Variants in ZFAT observed in about 807,000 individuals in gnomAD.
The protein encoded by ZFAT is zinc finger protein ZFAT.
ZFAT carries 64 observed loss-of-function variants against 117.7 expected under a neutral mutation model. That is an observed-to-expected ratio of 0.54 (90% confidence interval 0.44 to 0.67). The LOEUF is 0.67. ZFAT is among the 30% of genes least tolerant of loss of function. The probability of loss-of-function intolerance (pLI) is 0.00; values close to 1 mark genes in which losing one functional copy is unlikely to be tolerated. For missense variants in ZFAT, 1,433 were observed against 1,584.5 expected (o/e 0.90, Z 1.62); for synonymous variants, 679 against 615.0 (o/e 1.10, Z -1.54).
intron 15 of ZFAT, among the ~76,000 whole-genome samples, chr8:134,484,538 A>T (rs867341620): frequency 3.3e-5 from 5 of 152,276 alleles, no homozygotes; most frequent in African/African-American, 1.2e-4. Flanking sequence ...CCAAAGGTCC[A>T]ATCACCTTAT....
At chr8:134,484,217 C>T (rs1173092185) in intron 15 of ZFAT, among the ~76,000 whole-genome samples, 1 of 152,234 alleles carries the variant, frequency 6.6e-6, no homozygotes, top group Non-Finnish European at 1.5e-5. Flanking sequence ...TCCCCAGAAG[C>T]AAGCACAGCA....
At chr8:134,636,860 C>A (rs1255774661) in intron 3 of ZFAT, among the ~76,000 whole-genome samples, 1 of 152,208 alleles carries the variant, frequency 6.6e-6, no homozygotes, top group Non-Finnish European at 1.5e-5. Context: ...AGAGCTGAAG[C>A]CTAGTCAAGA....
intron 5 of ZFAT, among the ~76,000 whole-genome samples, chr8:134,606,271 A>G (rs1827880972): frequency 6.6e-6 from 1 of 152,232 alleles, no homozygotes; most frequent in Non-Finnish European, 1.5e-5. Flanking sequence ...TAACAATCAG[A>G]TGAGCATTTT....
the ZFAT span, among the ~76,000 whole-genome samples, chr8:134,820,203 A>G: frequency 6.6e-5 from 10 of 152,228 alleles, no homozygotes; most frequent in Non-Finnish European, 1.5e-4. Flanking sequence ...ATTTTGGACA[A>G]TAAGAGGTTG....
chr8:134,646,087 T>C (rs1237542569), intron 2 of ZFAT, among the ~76,000 whole-genome samples: 1 of 151,352 alleles, frequency 6.6e-6, no homozygotes, highest in East Asian at 1.9e-4. Flanking sequence ...CGGGCGCCTG[T>C]AGTCCTAGCT....
the ZFAT span, chr8:134,792,773 G>A: frequency 6.6e-6 from 1 of 152,092 alleles, no homozygotes; most frequent in South Asian, 2.1e-4. Flanking sequence ...AAAGTAGCAG[G>A]GCTATAATAT....
At chr8:134,613,208 T>A (rs1417701080) in intron 3 of ZFAT, among the ~76,000 whole-genome samples, 1 of 151,940 alleles carries the variant, frequency 6.6e-6, no homozygotes, top group African/African-American at 2.4e-5. Flanking sequence ...TGTTCACATT[T>A]AAAAAAAAGA....
chr8:134,794,806 A>T, the ZFAT span: 7 of 152,328 alleles, frequency 4.6e-5, no homozygotes, highest in Non-Finnish European at 7.3e-5. Flanking sequence ...TTAAGATTTG[A>T]CTGGGATACA....
At chr8:134,742,591 T>TCTCTCCA in the ZFAT span, among the ~76,000 whole-genome samples, 2 of 152,130 alleles carry the variant, frequency 1.3e-5, no homozygotes, top group Non-Finnish European at 2.9e-5. Flanking sequence ...GGCTCCCACC[T>TCTCTCCA]CTCTCCAGAC....
chr8:134,528,752 G>A (rs1821194309), intron 12 of ZFAT, among the ~76,000 whole-genome samples: 1 of 152,182 alleles, frequency 6.6e-6, no homozygotes, highest in South Asian at 2.1e-4. Context: ...ACAGCTGAAG[G>A]GGATGTATTC....
At chr8:134,600,008 T>C in intron 7 of ZFAT, 2 of 369,602 alleles carry the variant, frequency 5.4e-6, no homozygotes, top group African/African-American at 4.2e-5. Flanking sequence ...CAACATCTAC[T>C]ATGCTCTTAC....
intron 4 of ZFAT, among the ~76,000 whole-genome samples, chr8:134,609,195 C>T (rs1263185610): frequency 2.0e-5 from 3 of 151,676 alleles, no homozygotes; most frequent in Non-Finnish European, 4.4e-5. Flanking sequence ...TATACATATA[C>T]ATATATATGT....
chr8:134,785,295 G>GT, the ZFAT span: 2 of 152,078 alleles, frequency 1.3e-5, no homozygotes, highest in Non-Finnish European at 2.9e-5. Context: ...TAATTGCAAG[G>GT]TAAGTACCTT....
the ZFAT span, among the ~76,000 whole-genome samples, chr8:134,800,812 G>A: frequency 1.3e-5 from 2 of 152,150 alleles, no homozygotes; most frequent in East Asian, 1.9e-4. Flanking sequence ...CCAGGGCAGT[G>A]GGGGGCACTA....
intron 1 of ZFAT, chr8:134,674,984 C>G (rs1420927615): frequency 6.6e-6 from 1 of 152,428 alleles, no homozygotes; most frequent in East Asian, 1.9e-4. Flanking sequence ...GTAGGTAAAT[C>G]AACGAAGATG....
intron 12 of ZFAT, among the ~76,000 whole-genome samples, chr8:134,524,255 C>T (rs978030525): frequency 6.6e-6 from 1 of 152,184 alleles, no homozygotes; most frequent in Non-Finnish European, 1.5e-5. Flanking sequence ...CCCTTTCCTT[C>T]ACAGCCAGGA....
intron 13 of ZFAT, 63 bp from the exon 14 acceptor site, chr8:134,512,664 A>G (rs1478801578): frequency 1.9e-6 from 3 of 1,573,844 alleles, no homozygotes; most frequent in Non-Finnish European, 2.6e-6. Context: ...AGAAGTTCCA[A>G]GATAACATAC....
chr8:134,773,984 ATTTTTTTTTT>A, the ZFAT span, among the ~76,000 whole-genome samples: 24 of 103,296 alleles, frequency 2.3e-4, 1 homozygote, highest in East Asian at 5.4e-3. Flanking sequence ...TTGAGGATTA[ATTTTTTTTTT>A]TTTTTTTTTT....
intron 10 of ZFAT, among the ~76,000 whole-genome samples, chr8:134,570,677 G>C (rs987537507): frequency 2.0e-5 from 3 of 152,136 alleles, no homozygotes; most frequent in African/African-American, 7.2e-5. Flanking sequence ...TCAGAAGTCT[G>C]TTCAGCCACC....
Sources: gnomAD v4.1 joint callset for allele counts (sites outside exome capture counted in the v4.1 genomes callset) on GRCh38, gnomAD v4.1.1 for gene constraint, MANE v1.5 for transcripts, NCBI Gene and HGNC (gene_info 2026-07-23, HGNC 2026-07-21) for gene names.